GLIS3: variants seen among roughly 807,000 people sequenced by gnomAD.
The protein encoded by GLIS3 is GLIS family zinc finger 3.
A neutral mutation model predicts 78.6 loss-of-function variants in GLIS3; 53 were observed. The ratio of observed to expected loss-of-function variants is 0.67; its 90% confidence interval spans 0.54 to 0.85. The LOEUF is 0.85. Among genes scored for constraint, GLIS3 ranks in the 40% least tolerant of loss-of-function variants. GLIS3 has a pLI of 0.00. For synonymous variants in GLIS3, 684 were observed against 509.9 expected (o/e 1.34, Z -4.60); for missense variants, 1,703 against 1,231.1 (o/e 1.38, Z -5.74).
intron 2 of GLIS3, among the ~76,000 whole-genome samples, chr9:4,271,745 T>C (rs1826533465): frequency 1.3e-5 from 2 of 152,112 alleles, no homozygotes; most frequent in Admixed American, 1.3e-4. Context: ...ATCAATGCAT[T>C]GCAGTAGAAA....
the GLIS3 span, among the ~76,000 whole-genome samples, chr9:4,450,586 G>A: frequency 2.0e-5 from 3 of 152,114 alleles, no homozygotes; most frequent in Non-Finnish European, 2.9e-5. Flanking sequence ...AAATGTTAAG[G>A]GCAGCCAGAG....
the GLIS3 span, among the ~76,000 whole-genome samples, chr9:4,438,742 T>C: frequency 6.6e-6 from 1 of 152,196 alleles, no homozygotes; most frequent in Non-Finnish European, 1.5e-5. Flanking sequence ...GTTCTATAAA[T>C]GAGAGTTCTG....
At chr9:4,370,674 A>T in the GLIS3 span, among the ~76,000 whole-genome samples, 1 of 151,400 alleles carries the variant, frequency 6.6e-6, no homozygotes, top group East Asian at 1.9e-4. Flanking sequence ...TAATATACAT[A>T]ATAGAGTGTA....
At position 3,828,313 on chromosome 9, in the gene GLIS3, G is replaced by A. The variant is rs772402767; in HGVS notation, c.2752C>T (p.Arg918Cys). The change falls in exon 11 of 11, where the codon CGC becomes TGC. Residue 918 changes from arginine to cysteine, a missense_variant. Arg to Cys is a radical substitution (Grantham distance 180). Coordinates refer to ENST00000381971, the MANE Select transcript of GLIS3 (RefSeq NM_001042413.2). Reference protein sequence around the residue: ...ATFLQISTVDRCPSQLSSVYT... With the variant: ...ATFLQISTVDCCPSQLSSVYT... ...ACAGAGGAGAGCTGGCTAGGACAGC[G>A]GTCCACGGTGCTGATCTGCAAGAAG... is the stretch of plus-strand genomic sequence containing the variant. 1.1e-5 allele frequency: 18 copies of A among 1,613,462 alleles called. No individual in the cohort carries two copies. Among genetic ancestry groups the A allele is most frequent in the South Asian group, 4.4e-5 (4 of 91,074 alleles).
At chr9:4,255,085 A>T (rs1324660224) in intron 2 of GLIS3, among the ~76,000 whole-genome samples, 1 of 152,236 alleles carries the variant, frequency 6.6e-6, no homozygotes, top group African/African-American at 2.4e-5. Flanking sequence ...CCAGATATAC[A>T]GATGTCACAT....
chr9:4,129,618 A>T (rs1832820639), intron 2 of GLIS3, among the ~76,000 whole-genome samples: 1 of 152,168 alleles, frequency 6.6e-6, no homozygotes, highest in Non-Finnish European at 1.5e-5. Flanking sequence ...CCATGATTGA[A>T]AGTTTCCTGA....
chr9:4,109,193 G>A (rs565064278), intron 4 of GLIS3, among the ~76,000 whole-genome samples: 2 of 152,188 alleles, frequency 1.3e-5, no homozygotes, highest in East Asian at 3.9e-4. Flanking sequence ...TCTTGAAAAG[G>A]CTGACAAGCT....
At chr9:4,064,350 C>T (rs1465210094) in intron 4 of GLIS3, among the ~76,000 whole-genome samples, 2 of 152,036 alleles carry the variant, frequency 1.3e-5, no homozygotes, top group African/African-American at 2.4e-5. Flanking sequence ...TAAAAATACA[C>T]AAATCATAGA....
chr9:4,397,024 CTTTT>C, the GLIS3 span, among the ~76,000 whole-genome samples: 1 of 121,202 alleles, frequency 8.3e-6, no homozygotes, highest in African/African-American at 3.1e-5. Context: ...TTCTTTTTTT[CTTTT>C]TTTTTTTTTT....
chr9:4,158,123 C>CT (rs901029631), intron 2 of GLIS3, among the ~76,000 whole-genome samples: 2 of 151,962 alleles, frequency 1.3e-5, no homozygotes, highest in African/African-American at 4.8e-5. Context: ...GGGAAAAAAT[C>CT]TTTTTTTTCC....
intron 2 of GLIS3, among the ~76,000 whole-genome samples, chr9:4,336,235 C>T (rs1817755507): frequency 6.6e-6 from 1 of 152,218 alleles, no homozygotes; most frequent in African/African-American, 2.4e-5. Flanking sequence ...CAAAATCAGT[C>T]CTCTCCATGG....
At chr9:3,877,952 A>G (rs966725256) in intron 8 of GLIS3, among the ~76,000 whole-genome samples, 1 of 152,214 alleles carries the variant, frequency 6.6e-6, no homozygotes, top group Non-Finnish European at 1.5e-5. Flanking sequence ...GATAAGGGGC[A>G]AATTCCTTAG....
At chr9:4,187,089 G>A (rs1298989622) in intron 2 of GLIS3, among the ~76,000 whole-genome samples, 2 of 152,174 alleles carry the variant, frequency 1.3e-5, no homozygotes, top group Admixed American at 6.5e-5. Context: ...GTCCTGAATG[G>A]TAATGCCTAG....
rs543740271 is a variant in GLIS3 at position 4,055,108 on chromosome 9, T to C, written c.1710+62660A>G. On this transcript the variant is annotated intron_variant, in intron 4 of 10. Coordinates refer to ENST00000381971, the MANE Select transcript of GLIS3 (RefSeq NM_001042413.2). ...ATGAAAGAAGGCAATGCCTTTTTCA[T>C]CTTTCTCCTTTCCATTACTTCTGCA... is the stretch of plus-strand genomic sequence containing the variant. 2.6e-5 allele frequency among the ~76,000 whole-genome samples: 4 copies of C among 152,370 alleles called. No homozygotes were observed. The East Asian group carries it at 5.8e-4, about 22-fold the overall frequency.
chr9:4,304,875 A>G (rs1817189311), upstream of GLIS3, among the ~76,000 whole-genome samples: 1 of 152,192 alleles, frequency 6.6e-6, no homozygotes, highest in African/African-American at 2.4e-5. Context: ...TTTCACGTGT[A>G]TACACATTTC....
chr9:4,408,872 T>C, the GLIS3 span, among the ~76,000 whole-genome samples: 9 of 151,998 alleles, frequency 5.9e-5, no homozygotes, highest in African/African-American at 2.2e-4. Context: ...ATGGGATAAA[T>C]GCTTGAGGAG....
At chr9:3,968,995 G>T (rs1185502941) in intron 4 of GLIS3, among the ~76,000 whole-genome samples, 1 of 152,092 alleles carries the variant, frequency 6.6e-6, no homozygotes. Flanking sequence ...CCATCAAAAC[G>T]GCTTGGCTTT....
intron 2 of GLIS3, among the ~76,000 whole-genome samples, chr9:4,329,176 C>T (rs1817646862): frequency 6.6e-6 from 1 of 152,114 alleles, no homozygotes; most frequent in Admixed American, 6.6e-5. Context: ...CCCTTCATTT[C>T]CTTGAACCAA....
At chr9:4,227,570 G>C (rs944676044) in intron 2 of GLIS3, among the ~76,000 whole-genome samples, 1 of 152,146 alleles carries the variant, frequency 6.6e-6, no homozygotes, top group Admixed American at 6.5e-5. Flanking sequence ...TTGACTGCAA[G>C]AGTGACTTGA....
Sources: allele counts gnomAD v4.1 joint callset (sites outside exome capture counted in the v4.1 genomes callset), GRCh38; gene constraint gnomAD v4.1.1; transcripts MANE v1.5; gene names NCBI Gene and HGNC (gene_info 2026-07-23, HGNC 2026-07-21).